The following ZFYVE16 variants were observed in gnomAD, a reference collection of about 807,000 sequenced individuals.
The protein encoded by ZFYVE16 is zinc finger FYVE-type containing 16, also known as zinc finger FYVE domain-containing protein 16.
A neutral mutation model predicts 138.1 loss-of-function variants in ZFYVE16; 89 were observed. The ratio of observed to expected loss-of-function variants is 0.64; its 90% confidence interval spans 0.54 to 0.77. ZFYVE16 has a LOEUF of 0.77. Among genes scored for constraint, ZFYVE16 ranks in the 30% least tolerant of loss-of-function variants. ZFYVE16 has a pLI of 0.00. For synonymous variants in ZFYVE16, 596 were observed against 618.3 expected (o/e 0.96, Z 0.53); for missense variants, 1,793 against 1,786.7 (o/e 1.00, Z -0.06).
At chr5:80,417,692 T>C (rs542878157) in intron 1 of ZFYVE16, among the ~76,000 whole-genome samples, 2 of 152,330 alleles carry the variant, frequency 1.3e-5, no homozygotes, top group East Asian at 1.9e-4. Flanking sequence ...ATTGGATAGA[T>C]GTGTGATGGT....
intron 1 of ZFYVE16, among the ~76,000 whole-genome samples, chr5:80,421,003 C>T (rs373504696): frequency 7.9e-5 from 12 of 152,142 alleles, no homozygotes; most frequent in Middle Eastern, 6.3e-3. Flanking sequence ...TGGTGTGAGA[C>T]GGTATCTCAT....
intron 1 of ZFYVE16, among the ~76,000 whole-genome samples, chr5:80,419,630 G>C (rs925609431): frequency 6.6e-6 from 1 of 152,052 alleles, no homozygotes; most frequent in Non-Finnish European, 1.5e-5. Flanking sequence ...GCCTACCTCA[G>C]CCTCCCAGAG....
chr5:80,443,007 T>C (rs1026972684), intron 5 of ZFYVE16, 116 bp from the exon 6 acceptor site: 3 of 1,019,884 alleles, frequency 2.9e-6, no homozygotes, highest in African/African-American at 1.7e-5. Context: ...TTTTCTTGAT[T>C]AGCCATTTCT....
intron 16 of ZFYVE16, among the ~76,000 whole-genome samples, chr5:80,473,148 T>C (rs1231428396): frequency 6.6e-6 from 1 of 152,188 alleles, no homozygotes; most frequent in Non-Finnish European, 1.5e-5. Context: ...TGAGAGGGGC[T>C]TGATGATGAC....
chr5:80,420,054 C>T lies in ZFYVE16; in HGVS notation c.-93-7438C>T, dbSNP rs1267338559. ...CTTGAACTCCTGACCTCGTGATCTG[C>T]CCACCTTGGCCCCCCAAAGTGCTGG... On this transcript the variant is annotated intron_variant, in intron 1 of 18. Coordinates refer to ENST00000505560, the MANE Select transcript of ZFYVE16 (RefSeq NM_001284236.3). Among the ~76,000 whole-genome samples, 5 of 151,720 alleles carry T rather than the reference C, an allele frequency of 3.3e-5. No individual in the cohort carries two copies. In the East Asian group the frequency reaches 9.8e-4, roughly 30 times the overall value.
intron 10 of ZFYVE16, 24 bp from the exon 11 acceptor site, chr5:80,451,461 T>C: frequency 1.9e-6 from 3 of 1,555,758 alleles, no homozygotes; most frequent in Non-Finnish European, 1.7e-6. Flanking sequence ...CTTAAAATCT[T>C]TTTACTAATG....
intron 7 of ZFYVE16, among the ~76,000 whole-genome samples, chr5:80,447,301 A>G (rs1751483608): frequency 6.6e-6 from 1 of 150,856 alleles, no homozygotes. Flanking sequence ...GAGAGAAAAG[A>G]TGAATATTTA....
intron 1 of ZFYVE16, among the ~76,000 whole-genome samples, chr5:80,417,095 T>C (rs1746366635): frequency 6.6e-6 from 1 of 152,210 alleles, no homozygotes; most frequent in Non-Finnish European, 1.5e-5. Flanking sequence ...GAAACTTGGC[T>C]TCCACGATCA....
chr5:80,424,405 A>G (rs1375635352), intron 1 of ZFYVE16, among the ~76,000 whole-genome samples: 1 of 150,200 alleles, frequency 6.7e-6, no homozygotes, highest in Non-Finnish European at 1.5e-5. Flanking sequence ...GTCTCTGAGA[A>G]TATTAATTAG....
At position 80,441,008 on chromosome 5, in the gene ZFYVE16, G is replaced by A. The variant is rs1049811240; in HGVS notation, c.2419+976G>A. 3 of 985,208 alleles carry A rather than the reference G, an allele frequency of 3.0e-6. No individual in the cohort carries two copies. The African/African-American group carries it at 5.2e-5, about 17-fold the overall frequency. The allele number at this position is 985,208 out of a possible 1,614,324, so 61.0% of individuals were successfully genotyped here. A position where few individuals can be genotyped will look rare whatever the true frequency, so the allele number is the denominator to read the frequency against. On this transcript the variant is annotated intron_variant, in intron 5 of 18. Transcript: ENST00000505560. ...CCTCTGCTCTGGAAGATAACAAAGC[G>A]TAAATCTTTTTATGTTTCCATGTTA...
intron 1 of ZFYVE16, among the ~76,000 whole-genome samples, chr5:80,417,477 G>A (rs1257827997): frequency 6.6e-6 from 1 of 152,138 alleles, no homozygotes; most frequent in African/African-American, 2.4e-5. Flanking sequence ...TAAAAAGTCT[G>A]TGCTTCACAT....
At position 80,449,440 on chromosome 5, in the gene ZFYVE16, A is replaced by T; in HGVS notation, c.3104-151A>T. ...AAAGAGGTAAAAATTAGTATATAAC[A>T]GTTGTCTGGGGTGTTGATTTTATGA... On this transcript the variant is annotated intron_variant, in intron 8 of 18. Transcript: ENST00000505560. 3 of 689,652 alleles carry T rather than the reference A, an allele frequency of 4.4e-6. No individual in the cohort carries two copies. The South Asian group carries it at 6.0e-5, about 14-fold the overall frequency. 42.7% of individuals were successfully genotyped at this position (689,652 alleles called of 1,614,324 possible).
intron 8 of ZFYVE16, 42 bp downstream of exon 8, chr5:80,448,446 T>C (rs765652973): frequency 3.6e-6 from 5 of 1,401,032 alleles, no homozygotes; most frequent in South Asian, 1.9e-5. Context: ...TTTAAAAATA[T>C]ATACTGATGA....
At chr5:80,408,725 T>G (rs1217351167) in intron 1 of ZFYVE16, among the ~76,000 whole-genome samples, 2 of 152,274 alleles carry the variant, frequency 1.3e-5, no homozygotes, top group African/African-American at 4.8e-5. Context: ...AAAGAGGACC[T>G]TATTTTTAAC....
chr5:80,476,844 A>G (rs1377501998), intron 18 of ZFYVE16, among the ~76,000 whole-genome samples: 1 of 152,250 alleles, frequency 6.6e-6, no homozygotes, highest in South Asian at 2.1e-4. Context: ...AGAGTCTAAT[A>G]TTAAATATTA....
Position 80,481,825 on chromosome 5 carries a change from AT to A in ZFYVE16, c.*4456del, listed in dbSNP as rs971086543. Among the ~76,000 whole-genome samples, 32 of 151,960 alleles carry A rather than the reference AT, an allele frequency of 2.1e-4. No individual in the cohort carries two copies. The highest frequency in any genetic ancestry group is 2.0e-4 in the Admixed American group (3 of 15,240). On this transcript the variant is annotated 3_prime_UTR_variant, in exon 19 of 19. Transcript: ENST00000505560. Reference sequence around the variant, plus strand: ...AAAAAGACTTAAAACTAGTTATTTTATTTTTTTTATTTATTTTTGAGACAGT... The same window carrying A: ...AAAAAGACTTAAAACTAGTTATTTTATTTTTTTATTTATTTTTGAGACAGT...
chr5:80,444,213 TAAG>T (rs1751038872), intron 6 of ZFYVE16, among the ~76,000 whole-genome samples: 1 of 152,124 alleles, frequency 6.6e-6, no homozygotes, highest in Non-Finnish European at 1.5e-5. Flanking sequence ...TATAATGAAA[TAAG>T]GAGACTCAGC....
chr5:80,469,018 A>G (rs1255729092), intron 15 of ZFYVE16, among the ~76,000 whole-genome samples: 1 of 151,494 alleles, frequency 6.6e-6, no homozygotes, highest in Non-Finnish European at 1.5e-5. Flanking sequence ...ATTTATTTTT[A>G]TGTGCCATAT....
chr5:80,465,400 GTTTTTTTT>G (rs3072097), intron 15 of ZFYVE16, among the ~76,000 whole-genome samples: 383 of 26,798 alleles, frequency 0.014, 10 homozygotes, highest in African/African-American at 0.037. Context: ...CCTTTTCTTT[GTTTTTTTT>G]TTTTTTTTTT....
Sources: allele counts gnomAD v4.1 joint callset (sites outside exome capture counted in the v4.1 genomes callset), GRCh38; gene constraint gnomAD v4.1.1; transcripts MANE v1.5; gene names NCBI Gene and HGNC (gene_info 2026-07-23, HGNC 2026-07-21).